RUNDC3B: variants seen among roughly 807,000 people sequenced by gnomAD.
The protein encoded by RUNDC3B is RUN domain containing 3B.
In RUNDC3B, 33 loss-of-function variants were observed where a neutral mutation model predicts 58.4. That is an observed-to-expected ratio of 0.56 (90% CI 0.43 to 0.75). RUNDC3B has a LOEUF of 0.75. Among genes scored for constraint, RUNDC3B ranks in the 30% least tolerant of loss-of-function variants. The pLI, the probability that RUNDC3B is intolerant of heterozygous loss-of-function variation, is 0.00. For missense variants in RUNDC3B, 501 were observed against 535.7 expected (o/e 0.94, Z 0.64); for synonymous variants, 193 against 195.2 (o/e 0.99, Z 0.10).
At chr7:87,710,165 T>C (rs905625803) in intron 3 of RUNDC3B, among the ~76,000 whole-genome samples, 8 of 152,200 alleles carry the variant, frequency 5.3e-5, no homozygotes, top group African/African-American at 1.9e-4. Flanking sequence ...TTAGACTGAT[T>C]ATTTTCATTA....
intron 2 of RUNDC3B, among the ~76,000 whole-genome samples, chr7:87,661,438 G>A (rs1202055379): frequency 6.7e-6 from 1 of 150,124 alleles, no homozygotes. Context: ...CCAGCCTCTG[G>A]TAACCATTAT....
intron 9 of RUNDC3B, among the ~76,000 whole-genome samples, chr7:87,813,750 C>T (rs1275196646): frequency 2.0e-5 from 3 of 151,878 alleles, no homozygotes; most frequent in African/African-American, 7.3e-5. Context: ...GAGGCCGAGG[C>T]GGGAGGATCG....
intron 2 of RUNDC3B, among the ~76,000 whole-genome samples, chr7:87,691,685 A>G (rs1828028301): frequency 6.6e-6 from 1 of 152,190 alleles, no homozygotes; most frequent in African/African-American, 2.4e-5. Context: ...TATAAAAAAT[A>G]TTTATATTCC....
intron 2 of RUNDC3B, among the ~76,000 whole-genome samples, chr7:87,691,621 T>TA (rs1282845027): frequency 2.6e-5 from 4 of 152,200 alleles, no homozygotes; most frequent in Non-Finnish European, 4.4e-5. Context: ...AGCTTTGTCA[T>TA]ACGCTTGTTT....
chr7:87,635,208 T>C (rs1821639691), intron 1 of RUNDC3B, among the ~76,000 whole-genome samples: 2 of 152,126 alleles, frequency 1.3e-5, no homozygotes, highest in Admixed American at 1.3e-4. Context: ...TCAGAGAGAA[T>C]TGGGTATGTA....
At chr7:87,723,832 T>TA (rs376925744) in intron 4 of RUNDC3B, among the ~76,000 whole-genome samples, 16 of 151,184 alleles carry the variant, frequency 1.1e-4, no homozygotes, top group African/African-American at 1.9e-4. Flanking sequence ...AGCCAATATT[T>TA]AAAAAAAAAG....
chr7:87,646,814 A>T (rs1180152795), intron 1 of RUNDC3B, among the ~76,000 whole-genome samples: 1 of 152,134 alleles, frequency 6.6e-6, no homozygotes, highest in Non-Finnish European at 1.5e-5. Context: ...GTCCCTTTTA[A>T]ATCTGTTTTC....
intron 8 of RUNDC3B, among the ~76,000 whole-genome samples, chr7:87,806,383 C>T (rs1182085343): frequency 6.6e-6 from 1 of 152,118 alleles, no homozygotes; most frequent in Admixed American, 6.6e-5. Flanking sequence ...CACAACAGGA[C>T]TTTTATCTGT....
intron 8 of RUNDC3B, among the ~76,000 whole-genome samples, chr7:87,782,645 G>A (rs1475204783): frequency 6.6e-6 from 1 of 151,964 alleles, no homozygotes; most frequent in Non-Finnish European, 1.5e-5. Flanking sequence ...CTGCATCCCA[G>A]AGATTTTGGT....
chr7:87,640,352 T>C (rs1301532994), intron 1 of RUNDC3B, among the ~76,000 whole-genome samples: 1 of 152,036 alleles, frequency 6.6e-6, no homozygotes, highest in Non-Finnish European at 1.5e-5. Context: ...CTTTTTACTT[T>C]TTATTTTTAT....
intron 6 of RUNDC3B, among the ~76,000 whole-genome samples, chr7:87,754,600 A>G (rs1788504989): frequency 6.6e-6 from 1 of 152,200 alleles, no homozygotes; most frequent in Non-Finnish European, 1.5e-5. Context: ...GCTAAACTGA[A>G]GGAAATCAAG....
intron 3 of RUNDC3B, chr7:87,709,201 G>A (rs1829857499): frequency 1.0e-6 from 1 of 975,036 alleles, no homozygotes; most frequent in South Asian, 4.7e-5. Context: ...AATAAATCAG[G>A]AAGCAAGATT....
intron 8 of RUNDC3B, among the ~76,000 whole-genome samples, chr7:87,792,074 A>G (rs911247253): frequency 6.6e-6 from 1 of 152,178 alleles, no homozygotes; most frequent in African/African-American, 2.4e-5. Flanking sequence ...AGCTATACTT[A>G]TATCAGACAA....
chr7:87,660,246 G>A (rs564485835), intron 2 of RUNDC3B, among the ~76,000 whole-genome samples: 1 of 152,152 alleles, frequency 6.6e-6, no homozygotes, highest in South Asian at 2.1e-4. Context: ...GAGTGTATTT[G>A]TGTGTGTACA....
intron 1 of RUNDC3B, among the ~76,000 whole-genome samples, chr7:87,632,524 C>T (rs1821327881): frequency 6.6e-6 from 1 of 152,130 alleles, no homozygotes; most frequent in South Asian, 2.1e-4. Context: ...TTTGAGGACT[C>T]TAAATCTTAC....
At chr7:87,703,656 T>C (rs182696633) in intron 3 of RUNDC3B, among the ~76,000 whole-genome samples, 50 of 151,990 alleles carry the variant, frequency 3.3e-4, no homozygotes, top group Middle Eastern at 3.4e-3. Flanking sequence ...GTAAATTAAT[T>C]ATAGATTTTC....
intron 2 of RUNDC3B, chr7:87,693,828 G>T: frequency 2.2e-6 from 3 of 1,347,922 alleles, no homozygotes; most frequent in East Asian, 2.3e-5. Context: ...TCTTAGTTGG[G>T]CTATTCAGTT....
At chr7:87,638,341 G>A (rs533393887) in intron 1 of RUNDC3B, among the ~76,000 whole-genome samples, 111 of 109,252 alleles carry the variant, frequency 1.0e-3, no homozygotes, top group Non-Finnish European at 1.4e-3. Flanking sequence ...TAGGAAGTAT[G>A]TGTTTGTGTG....
At chr7:87,635,098 A>G (rs939221495) in intron 1 of RUNDC3B, among the ~76,000 whole-genome samples, 3 of 152,180 alleles carry the variant, frequency 2.0e-5, no homozygotes, top group African/African-American at 7.2e-5. Context: ...TCAAAATTTC[A>G]GTTGAGAGAT....
Sources: gnomAD v4.1 joint callset for allele counts (sites outside exome capture counted in the v4.1 genomes callset) on GRCh38, gnomAD v4.1.1 for gene constraint, MANE v1.5 for transcripts, NCBI Gene and HGNC (gene_info 2026-07-23, HGNC 2026-07-21) for gene names.